ADIPOR2: variants seen among roughly 807,000 people sequenced by gnomAD.
ADIPOR2 encodes adiponectin receptor 2, also known as adiponectin receptor protein 2.
Under a neutral mutation model 40.9 loss-of-function variants are expected in ADIPOR2, and 18 were observed. That is an observed-to-expected ratio of 0.44 (90% CI 0.30 to 0.65). The LOEUF (loss-of-function observed/expected upper bound fraction) is 0.65. Ranked by LOEUF, ADIPOR2 falls within the 30% of genes least tolerant of loss-of-function variation. The pLI is 0.09. For missense variants in ADIPOR2, 283 were observed against 479.2 expected, an observed-to-expected ratio of 0.59 and a Z score of 3.82; for synonymous variants, 165 against 166.4, an observed-to-expected ratio of 0.99 and a Z score of 0.06.
At chr12:1,781,654 T>C (rs1318271868) in intron 6 of ADIPOR2, among the ~76,000 whole-genome samples, 1 of 152,168 alleles carries the variant, frequency 6.6e-6, no homozygotes, top group African/African-American at 2.4e-5. Flanking sequence ...GTGCCTTGGC[T>C]GAGTCTTCTT....
chr12:1,742,327 A>G (rs2094744713), intron 1 of ADIPOR2, among the ~76,000 whole-genome samples: 1 of 152,192 alleles, frequency 6.6e-6, no homozygotes, highest in South Asian at 2.1e-4. Context: ...TCCTGGGCTC[A>G]AGCCATCTGC....
At chr12:1,773,722 CTTTATTA>C (rs1862533243) in intron 3 of ADIPOR2, among the ~76,000 whole-genome samples, 1 of 152,168 alleles carries the variant, frequency 6.6e-6, no homozygotes, top group South Asian at 2.1e-4. Context: ...CTGGAGAACT[CTTTATTA>C]TTTAGAGAGA....
intron 3 of ADIPOR2, among the ~76,000 whole-genome samples, chr12:1,777,371 A>ATTTT (rs1565657964): frequency 1.8e-5 from 2 of 111,752 alleles, no homozygotes; most frequent in African/African-American, 3.2e-5. Context: ...TTAAAAGTAT[A>ATTTT]TTTTTTCTTT....
intron 1 of ADIPOR2, among the ~76,000 whole-genome samples, chr12:1,692,382 G>C (rs75782089): frequency 0.015 from 2,294 of 152,294 alleles, 23 homozygotes; most frequent in Middle Eastern, 0.054. Context: ...TTTGTTGTCA[G>C]AGTGTTGATT....
At chr12:1,714,916 C>G (rs145941628) in intron 1 of ADIPOR2, among the ~76,000 whole-genome samples, 1 of 152,008 alleles carries the variant, frequency 6.6e-6, no homozygotes, top group Non-Finnish European at 1.5e-5. Flanking sequence ...GAAAACTTCC[C>G]CAGGTCTACT....
At chr12:1,708,779 G>A (rs1032300662) in intron 1 of ADIPOR2, among the ~76,000 whole-genome samples, 2 of 151,764 alleles carry the variant, frequency 1.3e-5, no homozygotes, top group Non-Finnish European at 2.9e-5. Flanking sequence ...GAGTGCAGTG[G>A]CACAGTCTTG....
intron 1 of ADIPOR2, among the ~76,000 whole-genome samples, chr12:1,727,858 TA>T (rs570513526): frequency 0.01 from 1,418 of 138,574 alleles, 4 homozygotes; most frequent in Middle Eastern, 0.032. Flanking sequence ...GAACACTGTT[TA>T]AAAAAAAAAA....
chr12:1,740,561 T>C (rs2094740548), intron 1 of ADIPOR2, among the ~76,000 whole-genome samples: 1 of 152,204 alleles, frequency 6.6e-6, no homozygotes. Context: ...CCAAATACAG[T>C]CTCATTGTAA....
intron 1 of ADIPOR2, among the ~76,000 whole-genome samples, chr12:1,716,485 TA>T (rs1431126279): frequency 1.3e-5 from 2 of 152,220 alleles, no homozygotes; most frequent in African/African-American, 4.8e-5. Flanking sequence ...TTGTTTGTAA[TA>T]TGATATTCCT....
chr12:1,724,217 G>A (rs546933701), intron 1 of ADIPOR2, among the ~76,000 whole-genome samples: 4 of 152,154 alleles, frequency 2.6e-5, no homozygotes, highest in Non-Finnish European at 4.4e-5. Context: ...TCCTGACCTC[G>A]TGATCCACCT....
intron 1 of ADIPOR2, among the ~76,000 whole-genome samples, chr12:1,751,734 G>C (rs1212811162): frequency 6.6e-6 from 1 of 151,364 alleles, no homozygotes; most frequent in Non-Finnish European, 1.5e-5. Flanking sequence ...TGCCCAAGCT[G>C]GTTTCGAACT....
At chr12:1,747,058 C>G (rs576963017) in intron 1 of ADIPOR2, among the ~76,000 whole-genome samples, 6 of 147,962 alleles carry the variant, frequency 4.1e-5, no homozygotes, top group Non-Finnish European at 8.9e-5. Context: ...ACTGCCCCCC[C>G]CCAAAAAATA....
At chr12:1,779,443 A>G (rs1252340129) in intron 4 of ADIPOR2, among the ~76,000 whole-genome samples, 1 of 152,242 alleles carries the variant, frequency 6.6e-6, no homozygotes, top group African/African-American at 2.4e-5. Flanking sequence ...GTTTGATTCT[A>G]CATGCATGAA....
chr12:1,707,847 T>A (rs1399251972), intron 1 of ADIPOR2, among the ~76,000 whole-genome samples: 2 of 152,206 alleles, frequency 1.3e-5, no homozygotes, highest in Non-Finnish European at 2.9e-5. Flanking sequence ...TATATCCTTT[T>A]ATTAGATGAG....
At chr12:1,700,940 C>A (rs547108516) in intron 1 of ADIPOR2, among the ~76,000 whole-genome samples, 2 of 151,960 alleles carry the variant, frequency 1.3e-5, no homozygotes, top group South Asian at 4.2e-4. Context: ...TTCAAACATA[C>A]ATGAGACTAC....
At position 1,783,892 on chromosome 12, in the gene ADIPOR2, G is replaced by T. The variant is rs1319033036; in HGVS notation, c.851G>T (p.Gly284Val). The change falls in exon 7 of 8, where the codon GGC (glycine) becomes GTC (valine). Residue 284 changes from glycine (G) to valine (V), a missense_variant. Gly to Val is a moderately radical substitution (Grantham distance 109, BLOSUM62 -3). Coordinates refer to ENST00000357103, the MANE Select transcript of ADIPOR2 (RefSeq NM_024551.3). ...TTGTGACTCCTAGGAGTGTTTTTGG[G>T]CCTAGGCCTGAGTGGAATCATTCCT... ...YRGVRAGVFL[G>V]LGLSGIIPTL... 11 of 1,605,204 alleles carry T rather than the reference G, an allele frequency of 6.9e-6. No individual in the cohort carries two copies. The highest frequency in any genetic ancestry group is 9.4e-6 in the Non-Finnish European group (11 of 1,175,644).
chr12:1,753,425 C>T (rs1862047601), intron 1 of ADIPOR2, among the ~76,000 whole-genome samples: 1 of 152,238 alleles, frequency 6.6e-6, no homozygotes, highest in Non-Finnish European at 1.5e-5. Flanking sequence ...TCTTAGCACT[C>T]AAGAGCATTG....
At chr12:1,707,627 G>C (rs2094666117) in intron 1 of ADIPOR2, among the ~76,000 whole-genome samples, 1 of 152,004 alleles carries the variant, frequency 6.6e-6, no homozygotes, top group Non-Finnish European at 1.5e-5. Flanking sequence ...ACTACATCCA[G>C]CTAATTTTAT....
intron 1 of ADIPOR2, among the ~76,000 whole-genome samples, chr12:1,715,987 G>A (rs1565635068): frequency 6.6e-6 from 1 of 152,040 alleles, no homozygotes; most frequent in African/African-American, 2.4e-5. Flanking sequence ...CTTCCACACC[G>A]TAGAAGCTTT....
Sources: gnomAD v4.1 joint callset for allele counts (sites outside exome capture counted in the v4.1 genomes callset) on GRCh38, gnomAD v4.1.1 for gene constraint, MANE v1.5 for transcripts, NCBI Gene and HGNC (gene_info 2026-07-23, HGNC 2026-07-21) for gene names.